The following PLCG2 variants were observed in gnomAD, a reference collection of about 807,000 sequenced individuals.
The protein encoded by PLCG2 is 1-phosphatidylinositol 4,5-bisphosphate phosphodiesterase gamma-2.
A neutral mutation model predicts 175.6 loss-of-function variants in PLCG2; 69 were observed. The ratio of observed to expected loss-of-function variants is 0.39; its 90% confidence interval spans 0.32 to 0.48. The LOEUF (loss-of-function observed/expected upper bound fraction) is 0.48, where lower values mean the gene tolerates loss of function less well. PLCG2 is among the 20% of genes least tolerant of loss of function. PLCG2 has a pLI of 0.91. For synonymous variants in PLCG2, 827 were observed against 624.0 expected (o/e 1.33, Z -4.85); for missense variants, 1,798 against 1,650.9 (o/e 1.09, Z -1.54).
chr16:81,876,561 G>T (rs1009734659), intron 7 of PLCG2, among the ~76,000 whole-genome samples: 22 of 152,154 alleles, frequency 1.4e-4, no homozygotes, highest in Admixed American at 1.0e-3. Flanking sequence ...CCTGGGGCCC[G>T]ACTCAGAGAT....
chr16:81,956,516 A>G (rs989917117), intron 31 of PLCG2, among the ~76,000 whole-genome samples, 179 bp from the exon 32 acceptor site: 1 of 152,220 alleles, frequency 6.6e-6, no homozygotes, highest in Non-Finnish European at 1.5e-5. Context: ...TTCCCACACA[A>G]TAAATAATTG....
intron 1 of PLCG2, among the ~76,000 whole-genome samples, chr16:81,742,239 G>A (rs963319566): frequency 2.6e-5 from 4 of 151,660 alleles, no homozygotes; most frequent in African/African-American, 7.3e-5. Flanking sequence ...CCATTACTCC[G>A]AGTACATAGT....
intron 1 of PLCG2, among the ~76,000 whole-genome samples, chr16:81,747,283 C>A (rs893870604): frequency 2.0e-5 from 3 of 152,070 alleles, no homozygotes; most frequent in African/African-American, 7.2e-5. Context: ...ACCTGTAAGC[C>A]CAGCACTTTG....
At chr16:81,878,805 C>G (rs1907940166) in intron 7 of PLCG2, among the ~76,000 whole-genome samples, 1 of 152,226 alleles carries the variant, frequency 6.6e-6, no homozygotes, top group South Asian at 2.1e-4. Context: ...TCTTCCTTAT[C>G]TTGCCTCTCA....
At chr16:81,786,338 C>G (rs967542844) in intron 2 of PLCG2, among the ~76,000 whole-genome samples, 156 bp downstream of exon 2, 8 of 152,136 alleles carry the variant, frequency 5.3e-5, no homozygotes, top group African/African-American at 1.9e-4. Context: ...TTGTGTGGAT[C>G]TCTGATGAGG....
At chr16:81,777,913 A>G (rs888896196), upstream of PLCG2, among the ~76,000 whole-genome samples, 1 of 150,528 alleles carries the variant, frequency 6.6e-6, no homozygotes, top group Non-Finnish European at 1.5e-5. Flanking sequence ...GCTACTCAGG[A>G]GGCTGAGGCA....
chr16:81,830,409 C>T (rs916123221), intron 2 of PLCG2, among the ~76,000 whole-genome samples: 3 of 152,060 alleles, frequency 2.0e-5, no homozygotes, highest in African/African-American at 2.4e-5. Context: ...TGGGTTCAAG[C>T]GTTTCTTGTG....
chr16:81,831,939 G>T lies in PLCG2; in HGVS notation c.194-22505G>T, dbSNP rs149001399. On this transcript the variant is annotated intron_variant, in intron 2 of 32. Coordinates refer to ENST00000564138, the MANE Select transcript of PLCG2 (RefSeq NM_002661.5). The stretch of plus-strand genomic sequence containing the variant: ...GAAGACTCATTTGCACAGGCAAAGC[G>T]GGGGCAGGGGTGACTCCTCTTGCCC... 6.6e-5 allele frequency among the ~76,000 whole-genome samples: 10 copies of T among 152,308 alleles called. No individual in the cohort carries two copies. In the East Asian group the frequency reaches 1.9e-3, roughly 29 times the overall value.
At chr16:81,824,004 TTTTCCTTTCCTTTCCTTTCCTTTCC>T (rs71146048) in intron 2 of PLCG2, among the ~76,000 whole-genome samples, 1 of 85,836 alleles carries the variant, frequency 1.2e-5, no homozygotes, top group African/African-American at 4.7e-5. Context: ...TTCTTTTTCT[TTTTCCTTTCCTTTCCTTTCCTTTCC>T]TTTCCTTTCC....
intron 5 of PLCG2, among the ~76,000 whole-genome samples, chr16:81,868,177 G>A (rs1907338569): frequency 6.6e-6 from 1 of 152,164 alleles, no homozygotes; most frequent in African/African-American, 2.4e-5. Context: ...TCTGAGCCCT[G>A]GGGGTCAACC....
chr16:81,915,992 A>T (rs1481245783), intron 19 of PLCG2, among the ~76,000 whole-genome samples: 1 of 152,216 alleles, frequency 6.6e-6, no homozygotes, highest in Non-Finnish European at 1.5e-5. Context: ...GACATTTAAA[A>T]AATATGTACA....
Position 81,854,412 on chromosome 16 carries a change from C to T in PLCG2, c.194-32C>T, listed in dbSNP as rs1254327762. The T allele has an allele frequency of 9.9e-6, 16 of 1,608,984 alleles. No homozygotes were observed. In the East Asian group the frequency reaches 3.6e-4, roughly 36 times the overall value. On this transcript the variant is annotated intron_variant, in intron 2 of 32. Coordinates refer to ENST00000564138, the MANE Select transcript of PLCG2 (RefSeq NM_002661.5). The stretch of plus-strand genomic sequence containing the variant: ...CATCCTCAGGTGGAGGGAACTCCAG[C>T]TTCTAATTGGCTCATGTTAATTTCA...
In PLCG2 at chr16:81,935,673, G is replaced by C. The variant is rs1044597789; in HGVS notation, c.2843-496G>C. The C allele has an allele frequency of 3.0e-6, 3 of 985,232 alleles. No homozygotes were observed. The African/African-American group carries it at 5.2e-5, about 17-fold the overall frequency. 61.0% of individuals were successfully genotyped at this position (985,232 alleles called of 1,614,324 possible). ...GCTATCCCACCACAGCTGGATGGGA[G>C]AGAAGATGAGGCCTGTCCCCTTCCC... On this transcript the variant is annotated intron_variant, in intron 26 of 32. Transcript: ENST00000564138.
intron 2 of PLCG2, among the ~76,000 whole-genome samples, chr16:81,791,726 A>G (rs547216037): frequency 6.6e-6 from 1 of 152,200 alleles, no homozygotes; most frequent in South Asian, 2.1e-4. Context: ...CATCACATGC[A>G]GCTAATTTTT....
intron 2 of PLCG2, among the ~76,000 whole-genome samples, chr16:81,814,285 G>C (rs2143306655): frequency 6.6e-6 from 1 of 152,316 alleles, no homozygotes; most frequent in South Asian, 2.1e-4. Context: ...CAGGGGACCT[G>C]CCTGTTTTAG....
At chr16:81,821,419 T>C (rs948836045) in intron 2 of PLCG2, among the ~76,000 whole-genome samples, 1 of 152,158 alleles carries the variant, frequency 6.6e-6, no homozygotes, top group Non-Finnish European at 1.5e-5. Context: ...ATAATACAAA[T>C]GTACATGTGT....
In PLCG2 at chr16:81,741,430, C is replaced by G. The variant is rs138839506; in HGVS notation, c.-145+2045C>G. Among the ~76,000 whole-genome samples, 313 of 152,116 alleles carry G rather than the reference C, an allele frequency of 2.1e-3. 2 individuals are homozygous for G. Among genetic ancestry groups the G allele is most frequent in the Non-Finnish European group, 3.4e-3 (232 of 67,970 alleles). ...TACTTGCAGGAGGAAGATTTTTTTT[C>G]CGTCAAAAATTTTTGCCCTTTGGAT... On this transcript the variant is annotated intron_variant, in intron 1 of 5. Coordinates refer to the PLCG2 transcript ENST00000565054.
intron 15 of PLCG2, chr16:81,906,142 C>G (rs971538405): frequency 6.6e-5 from 10 of 152,156 alleles, no homozygotes; most frequent in Non-Finnish European, 1.2e-4. Flanking sequence ...AACATTGGTA[C>G]AATACTAATA....
intron 2 of PLCG2, among the ~76,000 whole-genome samples, chr16:81,850,595 G>A (rs1906356189): frequency 6.6e-6 from 1 of 152,182 alleles, no homozygotes; most frequent in Non-Finnish European, 1.5e-5. Flanking sequence ...AGGCATAAGA[G>A]AAGCAGCACA....
Sources: gnomAD v4.1 joint callset for allele counts (sites outside exome capture counted in the v4.1 genomes callset) on GRCh38, gnomAD v4.1.1 for gene constraint, MANE v1.5 for transcripts, NCBI Gene and HGNC (gene_info 2026-07-23, HGNC 2026-07-21) for gene names.